Variants in LRRC4C observed in about 807,000 individuals in gnomAD.
LRRC4C encodes leucine rich repeat containing 4C.
Under a neutral mutation model 33.6 loss-of-function variants are expected in LRRC4C, and 5 were observed. The ratio of observed to expected loss-of-function variants is 0.15; its 90% CI spans 0.08 to 0.31. The LOEUF is 0.31. Among genes scored for constraint, LRRC4C ranks in the 10% least tolerant of loss-of-function variants. LRRC4C has a pLI of 1.00. For missense variants in LRRC4C, 560 were observed against 796.7 expected (o/e 0.70, Z 3.58); for synonymous variants, 329 against 302.0 (o/e 1.09, Z -0.93).
At chr11:40,231,993 C>CT (rs1865232603) in intron 5 of LRRC4C, among the ~76,000 whole-genome samples, 1 of 152,048 alleles carries the variant, frequency 6.6e-6, no homozygotes, top group South Asian at 2.1e-4. Context: ...GAAGAGTCAA[C>CT]TTTGTCTTTT....
chr11:40,476,915 C>T (rs1341466077), intron 3 of LRRC4C, among the ~76,000 whole-genome samples: 1 of 152,046 alleles, frequency 6.6e-6, no homozygotes, highest in Admixed American at 6.5e-5. Flanking sequence ...TTATCCTATC[C>T]TAAGATCAAC....
intron 3 of LRRC4C, among the ~76,000 whole-genome samples, chr11:40,323,773 C>T (rs1010055931): frequency 6.6e-6 from 1 of 152,114 alleles, no homozygotes; most frequent in Admixed American, 6.6e-5. Context: ...AAGGAACCCA[C>T]CCTCTATTGA....
At chr11:41,221,702 T>C (rs1023363159) in intron 1 of LRRC4C, among the ~76,000 whole-genome samples, 2 of 152,214 alleles carry the variant, frequency 1.3e-5, no homozygotes, top group African/African-American at 4.8e-5. Flanking sequence ...TGTTAAAGTT[T>C]ATAAATCTAT....
At chr11:41,273,032 G>A (rs1949368573) in intron 1 of LRRC4C, among the ~76,000 whole-genome samples, 1 of 152,092 alleles carries the variant, frequency 6.6e-6, no homozygotes, top group Non-Finnish European at 1.5e-5. Flanking sequence ...GAAAATGTTT[G>A]GTGTCATATA....
At chr11:40,843,640 G>T (rs576522127) in intron 2 of LRRC4C, among the ~76,000 whole-genome samples, 7 of 152,052 alleles carry the variant, frequency 4.6e-5, no homozygotes, top group African/African-American at 1.7e-4. Flanking sequence ...CATTGGTAAG[G>T]ATACAAAGCA....
chr11:40,569,364 C>G (rs1957886682), intron 3 of LRRC4C, among the ~76,000 whole-genome samples: 2 of 152,122 alleles, frequency 1.3e-5, no homozygotes, highest in South Asian at 4.1e-4. Context: ...AGTATCCTAT[C>G]TAGATAATTC....
At chr11:40,884,570 A>G (rs149602655) in intron 2 of LRRC4C, among the ~76,000 whole-genome samples, 18 of 152,216 alleles carry the variant, frequency 1.2e-4, no homozygotes, top group Middle Eastern at 3.4e-3. Context: ...AGCTGGTTTT[A>G]TAGAAGGAAC....
chr11:40,555,588 A>G (rs1242783483), intron 3 of LRRC4C, among the ~76,000 whole-genome samples: 4 of 152,228 alleles, frequency 2.6e-5, no homozygotes, highest in South Asian at 2.1e-4. Context: ...AGAAACAATT[A>G]GATGTATGGG....
intron 1 of LRRC4C, among the ~76,000 whole-genome samples, chr11:41,026,556 GT>G (rs1280724681): frequency 6.6e-6 from 1 of 151,402 alleles, no homozygotes; most frequent in African/African-American, 2.4e-5. Context: ...AAGTTTTACT[GT>G]GGGTAAAACG....
chr11:41,087,668 C>A (rs1242478466), intron 1 of LRRC4C, among the ~76,000 whole-genome samples: 1 of 152,082 alleles, frequency 6.6e-6, no homozygotes, highest in African/African-American at 2.4e-5. Flanking sequence ...CTTCTCAGTG[C>A]TGTAATTGTT....
At chr11:40,620,992 C>G (rs116850954) in intron 3 of LRRC4C, among the ~76,000 whole-genome samples, 3,066 of 151,706 alleles carry the variant, frequency 0.02, 50 homozygotes, top group South Asian at 0.037. Context: ...TTCTGATGAG[C>G]AGGTGAGGGC....
At chr11:40,628,439 C>T (rs1284581723) in intron 3 of LRRC4C, among the ~76,000 whole-genome samples, 1 of 152,122 alleles carries the variant, frequency 6.6e-6, no homozygotes, top group Non-Finnish European at 1.5e-5. Context: ...GATTGCGCCA[C>T]TGCACTCCAG....
intron 3 of LRRC4C, among the ~76,000 whole-genome samples, chr11:40,548,343 A>C (rs1351505097): frequency 6.6e-6 from 1 of 152,122 alleles, no homozygotes; most frequent in Non-Finnish European, 1.5e-5. Context: ...GCACTAATTC[A>C]ATATGACTGA....
Position 40,286,091 on chromosome 11 carries a change from A to G in LRRC4C, c.-176+33537T>C, listed in dbSNP as rs1943817839. On this transcript the variant is annotated intron_variant, in intron 4 of 6. Transcript: ENST00000528697. ...GTGCCTCCTTTTTGGTAGAGGAGAT[A>G]CATTCCGTGATCCCAAGTGGATGCC... Among the ~76,000 whole-genome samples the G allele has an allele frequency of 3.3e-5, 5 of 152,320 alleles. No homozygotes were observed. In the South Asian group the frequency reaches 1.0e-3, roughly 32 times the overall value.
intron 3 of LRRC4C, among the ~76,000 whole-genome samples, chr11:40,500,810 C>CA (rs1374206628): frequency 6.6e-6 from 1 of 152,088 alleles, no homozygotes; most frequent in Non-Finnish European, 1.5e-5. Flanking sequence ...CCTCAAATTT[C>CA]AAAACCAATC....
chr11:40,208,424 C>T (rs925824742), intron 5 of LRRC4C, among the ~76,000 whole-genome samples: 5 of 152,144 alleles, frequency 3.3e-5, no homozygotes, highest in African/African-American at 1.2e-4. Context: ...AGGACTAGAA[C>T]TGAATATCCT....
intron 5 of LRRC4C, among the ~76,000 whole-genome samples, chr11:40,220,893 TG>T: frequency 6.7e-6 from 1 of 149,940 alleles, no homozygotes. Context: ...TTTTTTTTCT[TG>T]AGACAGAGTC....
chr11:40,811,272 C>T (rs1951476597), intron 2 of LRRC4C, among the ~76,000 whole-genome samples: 1 of 152,016 alleles, frequency 6.6e-6, no homozygotes, highest in Admixed American at 6.6e-5. Flanking sequence ...ATTATAATTT[C>T]TTACTTTATT....
intron 1 of LRRC4C, among the ~76,000 whole-genome samples, chr11:41,096,914 C>T (rs1416568949): frequency 1.3e-5 from 2 of 152,162 alleles, no homozygotes; most frequent in Non-Finnish European, 2.9e-5. Context: ...AAAAAGAATA[C>T]ATTTGAACTT....
Sources: gnomAD v4.1 joint callset for allele counts (sites outside exome capture counted in the v4.1 genomes callset) on GRCh38, gnomAD v4.1.1 for gene constraint, MANE v1.5 for transcripts, NCBI Gene and HGNC (gene_info 2026-07-23, HGNC 2026-07-21) for gene names.